DPYSL3: variants seen among roughly 807,000 people sequenced by gnomAD.
DPYSL3 encodes the protein dihydropyrimidinase-related protein 3.
Under a neutral mutation model 66.1 loss-of-function variants are expected in DPYSL3, and 16 were observed. That is an observed-to-expected ratio of 0.24 (90% CI 0.16 to 0.37). The LOEUF is 0.37. Ranked by LOEUF, DPYSL3 falls within the 10% of genes least tolerant of loss-of-function variation. DPYSL3 has a pLI of 1.00. For synonymous variants in DPYSL3, 338 were observed against 345.1 expected (o/e 0.98, Z 0.23); for missense variants, 738 against 916.2 (o/e 0.81, Z 2.51).
chr5:147,408,826 A>G (rs760646621), intron 6 of DPYSL3, 30 bp from the exon 7 acceptor site: 1 of 1,613,058 alleles, frequency 6.2e-7, no homozygotes, highest in Admixed American at 1.7e-5. Flanking sequence ...TAGTTCTTCA[A>G]TAAGCTCAAG....
At chr5:147,494,594 G>A (rs1266405275) in intron 1 of DPYSL3, among the ~76,000 whole-genome samples, 4 of 151,444 alleles carry the variant, frequency 2.6e-5, no homozygotes, top group African/African-American at 4.9e-5. Flanking sequence ...GGCCGGGCCC[G>A]GTGGCTCACA....
chr5:147,498,791 G>T (rs2126456568), intron 1 of DPYSL3, among the ~76,000 whole-genome samples: 1 of 152,120 alleles, frequency 6.6e-6, no homozygotes, highest in East Asian at 1.9e-4. Flanking sequence ...TTTTAATGGG[G>T]TTGTTTGTTT....
At chr5:147,405,587 G>C in intron 8 of DPYSL3, 23 bp downstream of exon 8, 1 of 1,602,050 alleles carries the variant, frequency 6.2e-7, no homozygotes, top group South Asian at 1.1e-5. Flanking sequence ...CAGGGGCTCC[G>C]AGATCTTGGA....
chr5:147,499,048 GT>G, intron 1 of DPYSL3, among the ~76,000 whole-genome samples: 1 of 152,252 alleles, frequency 6.6e-6, no homozygotes. Flanking sequence ...GGTTTTTAGA[GT>G]TTGGGGTTTT....
At chr5:147,489,199 G>A (rs149782217) in intron 1 of DPYSL3, among the ~76,000 whole-genome samples, 22 of 152,088 alleles carry the variant, frequency 1.4e-4, no homozygotes, top group South Asian at 2.1e-4. Context: ...GGACTTGACC[G>A]GATTCTGCTT....
intron 1 of DPYSL3, among the ~76,000 whole-genome samples, chr5:147,500,421 C>G (rs778928420): frequency 6.6e-6 from 1 of 152,026 alleles, no homozygotes; most frequent in Non-Finnish European, 1.5e-5. Flanking sequence ...TGAGACCAGC[C>G]TAGCCAACAT....
intron 3 of DPYSL3, 51 bp downstream of exon 3, chr5:147,418,396 A>G: frequency 6.6e-7 from 1 of 1,515,566 alleles, no homozygotes. Context: ...TAACACATTC[A>G]TTAAACACAC....
intron 1 of DPYSL3, among the ~76,000 whole-genome samples, chr5:147,429,632 A>G (rs1194579014): frequency 6.6e-6 from 1 of 152,200 alleles, no homozygotes; most frequent in Non-Finnish European, 1.5e-5. Flanking sequence ...GGAGATATAT[A>G]CAGAGAGGTG....
chr5:147,464,854 A>T (rs995050250), intron 1 of DPYSL3, among the ~76,000 whole-genome samples: 4 of 152,174 alleles, frequency 2.6e-5, no homozygotes, highest in African/African-American at 9.7e-5. Context: ...AGACCTCCCA[A>T]GAGAAGAGAC....
chr5:147,472,008 T>C (rs1753093500), intron 1 of DPYSL3, among the ~76,000 whole-genome samples: 1 of 152,192 alleles, frequency 6.6e-6, no homozygotes, highest in Admixed American at 6.5e-5. Flanking sequence ...CTTTTAGCTC[T>C]TCAAAGAGAG....
chr5:147,394,693 A>T (rs76595112), intron 13 of DPYSL3, among the ~76,000 whole-genome samples: 1 of 150,546 alleles, frequency 6.6e-6, no homozygotes, highest in Non-Finnish European at 1.5e-5. Context: ...AAAAAAAAAA[A>T]GGCAAAAACT....
chr5:147,472,483 C>A (rs1238385323), intron 1 of DPYSL3: 3 of 152,122 alleles, frequency 2.0e-5, no homozygotes, highest in African/African-American at 7.2e-5. Context: ...TGCTTCCAAC[C>A]TCTTTGGGTT....
intron 1 of DPYSL3, among the ~76,000 whole-genome samples, chr5:147,452,438 TACACACAC>T (rs35272843): frequency 7.0e-6 from 1 of 142,046 alleles, no homozygotes; most frequent in African/African-American, 2.6e-5. Flanking sequence ...ATTCCCCCAC[TACACACAC>T]ACACACACAC....
chr5:147,400,009 C>T (rs1758124308), intron 10 of DPYSL3, among the ~76,000 whole-genome samples: 1 of 152,280 alleles, frequency 6.6e-6, no homozygotes, highest in African/African-American at 2.4e-5. Flanking sequence ...TGAAATTACA[C>T]TGTGTAGATT....
intron 1 of DPYSL3, among the ~76,000 whole-genome samples, chr5:147,448,035 T>C (rs551741044): frequency 6.6e-6 from 1 of 152,252 alleles, no homozygotes; most frequent in East Asian, 1.9e-4. Context: ...AATGGCCCTA[T>C]AAAATATGTC....
chr5:147,474,407 C>T (rs1753126325), intron 1 of DPYSL3, among the ~76,000 whole-genome samples: 2 of 152,014 alleles, frequency 1.3e-5, no homozygotes, highest in South Asian at 4.1e-4. Flanking sequence ...GTGCTTTTAT[C>T]TGCATTTTTT....
intron 9 of DPYSL3, 152 bp from the exon 10 acceptor site, chr5:147,400,985 G>A (rs1433595711): frequency 9.3e-7 from 1 of 1,076,770 alleles, no homozygotes; most frequent in African/African-American, 1.6e-5. Context: ...GAGCTTGGAT[G>A]AGTTTCTTCC....
At chr5:147,433,026 T>C (rs1432444271) in intron 1 of DPYSL3, among the ~76,000 whole-genome samples, 1 of 152,200 alleles carries the variant, frequency 6.6e-6, no homozygotes, top group Non-Finnish European at 1.5e-5. Flanking sequence ...GACTTTTTCC[T>C]TGATCTACTC....
At chr5:147,423,388 A>G (rs1040558427) in intron 2 of DPYSL3, among the ~76,000 whole-genome samples, 3 of 152,188 alleles carry the variant, frequency 2.0e-5, no homozygotes, top group Admixed American at 6.5e-5. Flanking sequence ...ACTTTTAGCA[A>G]GTTATTTACA....
Sources: allele counts gnomAD v4.1 joint callset (sites outside exome capture counted in the v4.1 genomes callset), GRCh38; gene constraint gnomAD v4.1.1; transcripts MANE v1.5; gene names NCBI Gene and HGNC (gene_info 2026-07-23, HGNC 2026-07-21).